PUS1: variants seen among roughly 807,000 people sequenced by gnomAD.
PUS1 encodes the protein pseudouridine synthase 1.
In PUS1, 25 loss-of-function variants were observed where a neutral mutation model predicts 38.5. The observed-to-expected ratio is 0.65, with a 90% CI of 0.47 to 0.91. The LOEUF (loss-of-function observed/expected upper bound fraction) is 0.91, where lower values mean the gene tolerates loss of function less well. PUS1 is among the 40% of genes least tolerant of loss of function. The pLI, the probability that PUS1 is intolerant of heterozygous loss-of-function variation, is 0.00. For synonymous variants in PUS1, 282 were observed against 260.4 expected (o/e 1.08, Z -0.80); for missense variants, 597 against 612.3 (o/e 0.97, Z 0.26).
chr12:131,942,885 C>T lies in PUS1; in HGVS notation c.1237-654C>T, dbSNP rs370909079. ...GAGGTAAGGTGGGCAGGCGAGGGGC[C>T]AGGCACCTGGCGAGCCGTCCTATAG... is the stretch of plus-strand genomic sequence containing the variant. On this transcript the variant is annotated intron_variant, in intron 5 of 5. Coordinates refer to ENST00000376649, the MANE Select transcript of PUS1 (RefSeq NM_025215.6). Among the ~76,000 whole-genome samples, 32 of 152,346 alleles carry T rather than the reference C, an allele frequency of 2.1e-4. No homozygotes were observed. In the East Asian group the frequency reaches 2.5e-3, roughly 12 times the overall value.
At chr12:131,937,681 T>G (rs545943069) in intron 3 of PUS1, among the ~76,000 whole-genome samples, 2 of 152,182 alleles carry the variant, frequency 1.3e-5, no homozygotes, top group Admixed American at 6.6e-5. Context: ...CCGCCCGTTT[T>G]TTTGTTTGTT....
Position 131,933,940 on chromosome 12 carries a change from AG to A in PUS1, c.441+1631del, listed in dbSNP as rs1225263222. On this transcript the variant is annotated intron_variant, in intron 3 of 5. Transcript: ENST00000376649. ...TTTATTGTATACAAGGCAAGGGGAC[AG>A]GGTAAGGAGCGTGTGTCATCTCAAG... Among the ~76,000 whole-genome samples, 4 of 152,248 alleles carry A rather than the reference AG, an allele frequency of 2.6e-5. No homozygotes were observed. In the East Asian group the frequency reaches 7.7e-4, roughly 29 times the overall value.
intron 3 of PUS1, chr12:131,932,745 C>A: frequency 2.5e-6 from 1 of 404,470 alleles, no homozygotes; most frequent in Non-Finnish European, 4.9e-6. Context: ...TTCTGTTGCC[C>A]AGGCTGGAGT....
intron 5 of PUS1, among the ~76,000 whole-genome samples, chr12:131,942,243 C>A (rs1891109863): frequency 6.6e-6 from 1 of 152,188 alleles, no homozygotes; most frequent in Non-Finnish European, 1.5e-5. Context: ...TACTATGGAC[C>A]TGGCATGGAG....
intron 3 of PUS1, 93 bp from the exon 4 acceptor site, chr12:131,939,080 T>C: frequency 1.2e-6 from 1 of 820,608 alleles, no homozygotes; most frequent in Non-Finnish European, 2.1e-6. Context: ...ATGTGTGAAA[T>C]GACGTAAGGT....
chr12:131,929,781 G>C lies in PUS1; in HGVS notation c.59G>C (p.Gly20Ala). The change falls in exon 1 of 6, where the codon GGA becomes GCA. Residue 20 changes from glycine to alanine, a missense_variant. Gly to Ala is a moderately conservative substitution (Grantham distance 60). Transcript: ENST00000376649. ...TTCGGACGGTGGACCCTGCGCCTGG[G>C]ACCGCGTCCGTCCTGGTAATGACCG... ...GAFGRWTLRLGPRPSCSPRMA... is the reference protein window; with the variant it reads ...GAFGRWTLRLAPRPSCSPRMA... The C allele has an allele frequency of 6.3e-7, 1 of 1,590,380 alleles. No homozygotes were observed. The highest frequency in any genetic ancestry group is 8.5e-7 in the Non-Finnish European group (1 of 1,176,476).
chr12:131,936,256 T>C (rs1456222333), intron 3 of PUS1, among the ~76,000 whole-genome samples: 1 of 150,728 alleles, frequency 6.6e-6, no homozygotes, highest in African/African-American at 2.4e-5. Flanking sequence ...TCTTGTACAA[T>C]TGACCCATTG....
chr12:131,931,976 C>G (rs1196587274), intron 2 of PUS1, 199 bp from the exon 3 acceptor site: 5 of 675,700 alleles, frequency 7.4e-6, no homozygotes, highest in Non-Finnish European at 1.4e-5. Flanking sequence ...CTACCCACCC[C>G]CTAGCATGGA....
Position 131,943,734 on chromosome 12 carries a change from T to G in PUS1, c.*148T>G. ...GTTGTAACCTCAGGACCTTCCCTTGTAGGAACAGCCTTTCTCGAATCTGTT... is the reference window on the plus strand; with the variant it reads ...GTTGTAACCTCAGGACCTTCCCTTGGAGGAACAGCCTTTCTCGAATCTGTT... On this transcript the variant is annotated 3_prime_UTR_variant, in exon 6 of 6. Transcript: ENST00000376649. 1.4e-6 allele frequency: 1 copy of G among 695,906 alleles called. No individual in the cohort carries two copies. The highest frequency in any genetic ancestry group is 2.6e-6 in the Non-Finnish European group (1 of 380,864). 43.1% of individuals were successfully genotyped at this position (695,906 alleles called of 1,614,324 possible).
In PUS1 at chr12:131,941,776, C is replaced by T. The variant is rs2136444368; in HGVS notation, c.1029C>T (p.Tyr343=). 1.2e-6 allele frequency: 2 copies of T among 1,613,536 alleles called. No individual in the cohort carries two copies. Among genetic ancestry groups the T allele is most frequent in the Non-Finnish European group, 1.7e-6 (2 of 1,179,544 alleles). Reference sequence around the variant, plus strand: ...TGGAGAGGGTGCACTTCGAGAAGTACAACCAGCGCTTTGGCAACGATGGGC... The same window carrying T: ...TGGAGAGGGTGCACTTCGAGAAGTATAACCAGCGCTTTGGCAACGATGGGC... ...LVLERVHFEK[Y]NQRFGNDGLH... The change falls in exon 5 of 6, where the codon TAC becomes TAT. Residue 343 remains tyrosine, a synonymous_variant. Transcript: ENST00000376649. This position sits in a 1 kb window ranked among gnomAD's most constrained non-coding sequence, Gnocchi z 4.4.
chr12:131,940,427 C>T (rs939272022), intron 4 of PUS1, among the ~76,000 whole-genome samples: 5 of 152,132 alleles, frequency 3.3e-5, no homozygotes, highest in African/African-American at 1.2e-4. Flanking sequence ...GTGGGTGTGC[C>T]ACGGATTGTT....
chr12:131,941,939 A>G lies in PUS1; in HGVS notation c.1192A>G (p.Asn398Asp), dbSNP rs781592324. 6.2e-7 allele frequency: 1 copy of G among 1,613,194 alleles called. No homozygotes were observed. Among genetic ancestry groups the G allele is most frequent in the Admixed American group, 1.7e-5 (1 of 60,018 alleles). Residue 398 changes from asparagine (N) to aspartate (D), a missense_variant, in exon 5 of 6, where the codon AAC becomes GAC. Coordinates refer to ENST00000376649, the MANE Select transcript of PUS1 (RefSeq NM_025215.6). This position sits in a 1 kb window ranked among gnomAD's most constrained non-coding sequence, Gnocchi z 4.4. ...AQWLSTLPIH[N>D]FSATALTAGG... The stretch of plus-strand genomic sequence containing the variant: ...GTGGCTGAGCACCTTGCCCATCCAC[A>G]ACTTCAGTGCCACCGCTCTCACGGC...
rs1278494828 is a variant in PUS1 at position 131,945,856 on chromosome 12, A to G, written c.*2270A>G. The G allele has an allele frequency of 6.6e-6, 1 of 152,238 alleles. No homozygotes were observed. The highest frequency in any genetic ancestry group is 1.5e-5 in the Non-Finnish European group (1 of 68,046). 9.4% of individuals were successfully genotyped at this position (152,238 alleles called of 1,614,324 possible). ...GGGGTATGTGACATTTTAAAATAAT[A>G]TGTATATATGGAAGGAAATAAAAAA... On this transcript the variant is annotated 3_prime_UTR_variant, in exon 6 of 6. Coordinates refer to ENST00000376649, the MANE Select transcript of PUS1 (RefSeq NM_025215.6).
chr12:131,943,970 C>T lies in PUS1; in HGVS notation c.*384C>T, dbSNP rs943287188. ...ATACGGCTGAACAAAAGAGAAAGGC[C>T]CAGGAGGTTGGCTCAGCCTGTAATC... On this transcript the variant is annotated 3_prime_UTR_variant, in exon 6 of 6. Transcript: ENST00000376649. 4 of 278,112 alleles carry T rather than the reference C, an allele frequency of 1.4e-5. No homozygotes were observed. In the East Asian group the frequency reaches 3.6e-4, roughly 25 times the overall value. The allele number at this position is 278,112 out of a possible 1,614,324, so 17.2% of individuals were successfully genotyped here. A position where few individuals can be genotyped will look rare whatever the true frequency, so the allele number is the denominator to read the frequency against.
At chr12:131,938,574 A>G (rs1009910923) in intron 3 of PUS1, among the ~76,000 whole-genome samples, 3 of 152,164 alleles carry the variant, frequency 2.0e-5, no homozygotes, top group Non-Finnish European at 2.9e-5. Flanking sequence ...CTGTGTACGC[A>G]CTGCCTGTCC....
rs1468033121 is a variant in PUS1 at position 131,930,061 on chromosome 12, C to G, written c.229C>G (p.Arg77Gly). 3.5e-6 allele frequency: 5 copies of G among 1,437,294 alleles called. No homozygotes were observed. Among genetic ancestry groups the G allele is most frequent in the Non-Finnish European group, 4.6e-6 (5 of 1,095,500 alleles). 89.0% of individuals were successfully genotyped at this position (1,437,294 alleles called of 1,614,324 possible). A position where few individuals can be genotyped will look rare whatever the true frequency, so the allele number is the denominator to read the frequency against. The change falls in exon 2 of 6, where the codon CGG becomes GGG. Residue 77 changes from arginine to glycine, a missense_variant. By Grantham distance (125) the Arg-to-Gly change is moderately radical (BLOSUM62 -2). Transcript: ENST00000376649. ...KKLKSGGDEERREKPPKRKIV... is the reference protein window; with the variant it reads ...KKLKSGGDEEGREKPPKRKIV... ...GCTCAAGAGCGGTGGCGACGAGGAGCGGCGCGAGAAGCCGCCCAAGCGGAA... is the reference window on the plus strand; with the variant it reads ...GCTCAAGAGCGGTGGCGACGAGGAGGGGCGCGAGAAGCCGCCCAAGCGGAA...
At position 131,941,035 on chromosome 12, in the gene PUS1, A is replaced by G; in HGVS notation, c.545-257A>G. 1 of 543,836 alleles carries G rather than the reference A, an allele frequency of 1.8e-6. No individual in the cohort carries two copies. Among genetic ancestry groups the G allele is most frequent in the South Asian group, 2.3e-5 (1 of 44,250 alleles). The allele number at this position is 543,836 out of a possible 1,614,324, so 33.7% of individuals were successfully genotyped here. ...TGTTGGAGACATTCCGTATCTTCTCACTATTGGAAAATTACAATAAATGGT... is the reference window on the plus strand; with the variant it reads ...TGTTGGAGACATTCCGTATCTTCTCGCTATTGGAAAATTACAATAAATGGT... On this transcript the variant is annotated intron_variant, in intron 4 of 5. Transcript: ENST00000376649. This position sits in a 1 kb window ranked among gnomAD's most constrained non-coding sequence, Gnocchi z 4.4.
chr12:131,937,727 T>C (rs1890892806), intron 3 of PUS1, among the ~76,000 whole-genome samples: 1 of 152,182 alleles, frequency 6.6e-6, no homozygotes, highest in Non-Finnish European at 1.5e-5. Flanking sequence ...TTTTACCTTT[T>C]TTGAGACAGA....
Position 131,941,785 on chromosome 12 carries a change from C to T in PUS1, c.1038C>T (p.Arg346=), listed in dbSNP as rs2136444394. ...ERVHFEKYNQ[R]FGNDGLHEPL... is the part of the protein sequence containing the mutation. ...TGCACTTCGAGAAGTACAACCAGCG[C>T]TTTGGCAACGATGGGCTGCATGAGC... is the stretch of plus-strand genomic sequence containing the variant. Residue 346 remains arginine, a synonymous_variant, in exon 5 of 6, where the codon CGC becomes CGT. Transcript: ENST00000376649. This position sits in a 1 kb window ranked among gnomAD's most constrained non-coding sequence, Gnocchi z 4.4. 6.2e-7 allele frequency: 1 copy of T among 1,613,444 alleles called. No homozygotes were observed. Among genetic ancestry groups the T allele is most frequent in the Non-Finnish European group, 8.5e-7 (1 of 1,179,468 alleles).
Sources: allele counts gnomAD v4.1 joint callset (sites outside exome capture counted in the v4.1 genomes callset), GRCh38; gene constraint gnomAD v4.1.1; non-coding constraint Gnocchi (gnomAD v3.1); transcripts MANE v1.5; gene names NCBI Gene and HGNC (gene_info 2026-07-23, HGNC 2026-07-21).